DAB1: variants seen among roughly 807,000 people sequenced by gnomAD.
DAB1 encodes disabled homolog 1.
Under a neutral mutation model 64.6 loss-of-function variants are expected in DAB1, and 15 were observed. The ratio of observed to expected loss-of-function variants is 0.23; its 90% confidence interval spans 0.16 to 0.36. The LOEUF is 0.36. Ranked by LOEUF, DAB1 falls within the 10% of genes least tolerant of loss-of-function variation. The pLI is 1.00. For missense variants in DAB1, 596 were observed against 706.7 expected (o/e 0.84, Z 1.78); for synonymous variants, 235 against 251.9 (o/e 0.93, Z 0.64).
At chr1:57,390,205 GA>G (rs1558293526) in intron 1 of DAB1, among the ~76,000 whole-genome samples, 3 of 151,626 alleles carry the variant, frequency 2.0e-5, no homozygotes, top group African/African-American at 7.3e-5. Flanking sequence ...TCCAGAAGTT[GA>G]TCAGGATGAA....
At chr1:57,371,729 A>C (rs956035451) in intron 1 of DAB1, among the ~76,000 whole-genome samples, 3 of 152,202 alleles carry the variant, frequency 2.0e-5, no homozygotes. Context: ...TCAGAGATTC[A>C]CTTCATTTTG....
chr1:57,239,982 T>C (rs1479144188), intron 2 of DAB1, among the ~76,000 whole-genome samples: 1 of 152,250 alleles, frequency 6.6e-6, no homozygotes, highest in Non-Finnish European at 1.5e-5. Flanking sequence ...GTCTTTTGAC[T>C]CTGATTATTT....
At chr1:58,165,067 G>T (rs968808442) in intron 4 of DAB1, among the ~76,000 whole-genome samples, 6 of 152,176 alleles carry the variant, frequency 3.9e-5, no homozygotes, top group African/African-American at 1.4e-4. Flanking sequence ...AAATGAGACT[G>T]ATTAACAAAT....
intron 1 of DAB1, among the ~76,000 whole-genome samples, chr1:57,332,744 T>C (rs560401032): frequency 1.3e-5 from 2 of 152,182 alleles, no homozygotes; most frequent in Admixed American, 6.5e-5. Context: ...TTTAAAAAAA[T>C]GGAGACTGAG....
chr1:58,543,404 C>T (rs545726571), intron 1 of DAB1, among the ~76,000 whole-genome samples: 1 of 152,196 alleles, frequency 6.6e-6, no homozygotes, highest in Non-Finnish European at 1.5e-5. Context: ...GCAACTTTAG[C>T]ATCCAAAATA....
chr1:57,534,075 C>T (rs2101425906), intron 7 of DAB1, among the ~76,000 whole-genome samples: 1 of 152,214 alleles, frequency 6.6e-6, no homozygotes, highest in Non-Finnish European at 1.5e-5. Context: ...GTCTAATGCT[C>T]TCTCTGTCTT....
intron 7 of DAB1, among the ~76,000 whole-genome samples, chr1:57,430,466 C>G (rs902149629): frequency 6.6e-6 from 1 of 151,758 alleles, no homozygotes; most frequent in Non-Finnish European, 1.5e-5. Context: ...AGCTCCGCCT[C>G]CCGGGTTCAC....
At chr1:58,342,405 C>T (rs1021520457) in intron 4 of DAB1, among the ~76,000 whole-genome samples, 2 of 152,080 alleles carry the variant, frequency 1.3e-5, no homozygotes, top group Non-Finnish European at 2.9e-5. Flanking sequence ...AGGCAATGCC[C>T]GTGGGCTGCA....
chr1:57,674,848 C>T (rs1646547753), intron 6 of DAB1, among the ~76,000 whole-genome samples: 1 of 152,182 alleles, frequency 6.6e-6, no homozygotes, highest in Non-Finnish European at 1.5e-5. Flanking sequence ...ATTCAAAGTT[C>T]ATACTTGAAA....
intron 7 of DAB1, among the ~76,000 whole-genome samples, chr1:57,553,011 C>T (rs1385205108): frequency 6.6e-6 from 1 of 151,874 alleles, no homozygotes; most frequent in African/African-American, 2.4e-5. Context: ...GGTTCCAGTC[C>T]CAGACTGGGT....
chr1:57,316,624 GAAAAAAAA>G (rs1414997035), intron 1 of DAB1, among the ~76,000 whole-genome samples: 1 of 150,854 alleles, frequency 6.6e-6, no homozygotes, highest in East Asian at 1.9e-4. Flanking sequence ...GTCTCAAAAA[GAAAAAAAA>G]GAAAAAAATA....
intron 5 of DAB1, among the ~76,000 whole-genome samples, chr1:58,138,760 T>C (rs1654097019): frequency 1.3e-5 from 2 of 152,020 alleles, no homozygotes. Context: ...TGGGTAATGT[T>C]TATGGGGTAG....
At chr1:57,805,847 A>G (rs888849243) in intron 6 of DAB1, among the ~76,000 whole-genome samples, 1 of 152,130 alleles carries the variant, frequency 6.6e-6, no homozygotes, top group African/African-American at 2.4e-5. Context: ...CCTTACACCC[A>G]GAATCTGACC....
At chr1:57,758,962 T>C (rs1276888219) in intron 6 of DAB1, among the ~76,000 whole-genome samples, 1 of 152,208 alleles carries the variant, frequency 6.6e-6, no homozygotes. Flanking sequence ...TTCTTGTAAT[T>C]ACCTCTTTGG....
chr1:58,092,349 A>C (rs1365218955), intron 5 of DAB1, among the ~76,000 whole-genome samples: 1 of 145,212 alleles, frequency 6.9e-6, no homozygotes, highest in Non-Finnish European at 1.5e-5. Context: ...AAAAAAAAAA[A>C]TTTAATGCCA....
At chr1:58,515,271 C>G (rs1464834482) in intron 2 of DAB1, among the ~76,000 whole-genome samples, 3 of 152,168 alleles carry the variant, frequency 2.0e-5, no homozygotes, top group Non-Finnish European at 4.4e-5. Context: ...ATTTGCCAAT[C>G]CCTCACACCA....
At chr1:58,410,996 T>G (rs1347441380) in intron 3 of DAB1, among the ~76,000 whole-genome samples, 1 of 152,174 alleles carries the variant, frequency 6.6e-6, no homozygotes, top group Non-Finnish European at 1.5e-5. Flanking sequence ...AAGGGAAAAA[T>G]TACAGAGTTG....
chr1:57,848,206 A>G (rs1208473039), intron 1 of DAB1, among the ~76,000 whole-genome samples: 2 of 152,238 alleles, frequency 1.3e-5, no homozygotes, highest in African/African-American at 4.8e-5. Flanking sequence ...AAACTTCAAA[A>G]GAACCAGAAT....
chr1:58,061,200 C>A (rs1216228799), intron 5 of DAB1, among the ~76,000 whole-genome samples: 1 of 152,168 alleles, frequency 6.6e-6, no homozygotes, highest in African/African-American at 2.4e-5. Context: ...TGAAAAAGAC[C>A]CACGGGTGAG....
Sources: allele counts gnomAD v4.1 joint callset (sites outside exome capture counted in the v4.1 genomes callset), GRCh38; gene constraint gnomAD v4.1.1; transcripts MANE v1.5; gene names NCBI Gene and HGNC (gene_info 2026-07-23, HGNC 2026-07-21).